The following ADAMTS18 variants were observed in gnomAD, a reference collection of about 807,000 sequenced individuals.
ADAMTS18 encodes the protein A disintegrin and metalloproteinase with thrombospondin motifs 18.
A neutral mutation model predicts 165.9 loss-of-function variants in ADAMTS18; 157 were observed. The observed-to-expected ratio is 0.95, with a 90% CI of 0.83 to 1.08. ADAMTS18 has a LOEUF of 1.08. Among genes scored for constraint, ADAMTS18 ranks in the 50% least tolerant of loss-of-function variants. The pLI, the probability that ADAMTS18 is intolerant of heterozygous loss-of-function variation, is 0.00. For missense variants in ADAMTS18, 2,040 were observed against 1,534.0 expected, an observed-to-expected ratio of 1.33 and a Z score of -5.51; for synonymous variants, 782 against 578.2, an observed-to-expected ratio of 1.35 and a Z score of -5.06.
chr16:77,343,722 G>C (rs567837988), intron 10 of ADAMTS18, among the ~76,000 whole-genome samples: 2 of 152,222 alleles, frequency 1.3e-5, no homozygotes, highest in Non-Finnish European at 2.9e-5. Context: ...CAGTTTTCTA[G>C]TCTATAAAGA....
rs146551434 is a variant in ADAMTS18, at chr16:77,292,441, T to G, written c.3189+635A>C. On this transcript the variant is annotated intron_variant, in intron 20 of 22. Transcript: ENST00000282849. ...TCACTCCTGTGTAGAGGCTGCACCC[T>G]CTGTCTGGGACAACCTTGCCCCAAA... 1.8e-4 allele frequency among the ~76,000 whole-genome samples: 28 copies of G among 152,268 alleles called. No individual in the cohort carries two copies. The East Asian group carries it at 5.0e-3, about 27-fold the overall frequency.
chr16:77,353,639 C>A, intron 10 of ADAMTS18, 94 bp downstream of exon 10: 1 of 1,567,332 alleles, frequency 6.4e-7, no homozygotes, highest in Non-Finnish European at 8.8e-7. Flanking sequence ...GAACCTAACC[C>A]TTGGCCTTGG....
rs373705923 is a variant in ADAMTS18 at position 77,282,941 on chromosome 16, C to T, written c.*1015G>A. 2 of 116,978 alleles carry T rather than the reference C, an allele frequency of 1.7e-5. No individual in the cohort carries two copies. The highest frequency in any genetic ancestry group is 3.2e-5 in the African/African-American group (1 of 31,574). 7.2% of individuals were successfully genotyped at this position (116,978 alleles called of 1,614,324 possible). A position where few individuals can be genotyped will look rare whatever the true frequency, so the allele number is the denominator to read the frequency against. ...TTTTTTTTTTTGCTGTTAGCTCAAT[C>T]CTAGGGCAAATTTAAACGTATCAGT... On this transcript the variant is annotated 3_prime_UTR_variant, in exon 23 of 23. Transcript: ENST00000282849.
At chr16:77,303,438 G>C (rs911143052) in intron 16 of ADAMTS18, among the ~76,000 whole-genome samples, 1 of 152,136 alleles carries the variant, frequency 6.6e-6, no homozygotes, top group African/African-American at 2.4e-5. Context: ...TACCCTTCCA[G>C]TTGTTTAGGC....
At chr16:77,290,014 A>G (rs1352284443) in intron 21 of ADAMTS18, among the ~76,000 whole-genome samples, 1 of 152,222 alleles carries the variant, frequency 6.6e-6, no homozygotes, top group Non-Finnish European at 1.5e-5. Context: ...CTTCATAACA[A>G]AAGGAAAACC....
At chr16:77,335,956 G>C in intron 11 of ADAMTS18, 52 bp from the exon 12 acceptor site, 6 of 1,610,508 alleles carry the variant, frequency 3.7e-6, no homozygotes, top group Non-Finnish European at 5.1e-6. Context: ...CTGGGAAAGC[G>C]CAGGGAGTTG....
intron 3 of ADAMTS18, among the ~76,000 whole-genome samples, chr16:77,392,059 A>T (rs192037577): frequency 2.0e-5 from 3 of 152,136 alleles, no homozygotes; most frequent in Admixed American, 1.3e-4. Context: ...GTGCAGAAAA[A>T]TCGAACAACA....
intron 12 of ADAMTS18, 54 bp downstream of exon 12, chr16:77,335,702 T>G: frequency 6.2e-7 from 1 of 1,609,194 alleles, no homozygotes; most frequent in African/African-American, 1.3e-5. Flanking sequence ...AACCAGCGTG[T>G]TACAGGCTGA....
chr16:77,380,593 A>T (rs1156326669), intron 3 of ADAMTS18, among the ~76,000 whole-genome samples: 2 of 152,366 alleles, frequency 1.3e-5, no homozygotes, highest in Non-Finnish European at 2.9e-5. Context: ...TACTGCATAC[A>T]TTTTAATATT....
intron 3 of ADAMTS18, among the ~76,000 whole-genome samples, chr16:77,389,175 C>T (rs1010864738): frequency 6.6e-6 from 1 of 152,108 alleles, no homozygotes; most frequent in African/African-American, 2.4e-5. Flanking sequence ...GTTGCACATA[C>T]CTGTGGTCTC....
intron 3 of ADAMTS18, among the ~76,000 whole-genome samples, chr16:77,376,541 G>C (rs1045905330): frequency 4.6e-5 from 7 of 152,148 alleles, no homozygotes; most frequent in Non-Finnish European, 1.5e-5. Flanking sequence ...CCGAGGGAAA[G>C]GACTGGGTTG....
intron 2 of ADAMTS18, among the ~76,000 whole-genome samples, chr16:77,433,216 T>C (rs112609172): frequency 3.3e-5 from 5 of 152,334 alleles, no homozygotes; most frequent in African/African-American, 1.2e-4. Flanking sequence ...ATTCCTGACA[T>C]ATGCAGGAAG....
chr16:77,369,512 C>T (rs1181436512), intron 3 of ADAMTS18, among the ~76,000 whole-genome samples: 1 of 152,098 alleles, frequency 6.6e-6, no homozygotes, highest in African/African-American at 2.4e-5. Flanking sequence ...CAGAGAAATC[C>T]TGGACAAACA....
chr16:77,375,365 G>A (rs1221341245), intron 3 of ADAMTS18, among the ~76,000 whole-genome samples: 1 of 152,122 alleles, frequency 6.6e-6, no homozygotes, highest in African/African-American at 2.4e-5. Context: ...CTGGGTGAAA[G>A]AGAGAGAGTC....
At chr16:77,343,066 C>T (rs1045236035) in intron 10 of ADAMTS18, among the ~76,000 whole-genome samples, 1 of 145,462 alleles carries the variant, frequency 6.9e-6, no homozygotes, top group East Asian at 2.2e-4. Context: ...GATTTTAGAC[C>T]TTACTTTCTT....
chr16:77,383,774 A>G (rs2057066979), intron 3 of ADAMTS18, among the ~76,000 whole-genome samples: 1 of 152,060 alleles, frequency 6.6e-6, no homozygotes, highest in Non-Finnish European at 1.5e-5. Flanking sequence ...AACTCCTGAC[A>G]TCGTGATCCG....
chr16:77,352,976 A>G (rs1257379861), intron 10 of ADAMTS18, among the ~76,000 whole-genome samples: 1 of 152,016 alleles, frequency 6.6e-6, no homozygotes, highest in African/African-American at 2.4e-5. Flanking sequence ...GCTACTCAGG[A>G]GGCTGAGGCG....
At chr16:77,376,867 T>A (rs2056961533) in intron 3 of ADAMTS18, among the ~76,000 whole-genome samples, 1 of 139,970 alleles carries the variant, frequency 7.1e-6, no homozygotes, top group African/African-American at 2.7e-5. Context: ...CAGGCTGGAG[T>A]GCAGTGGGGT....
intron 3 of ADAMTS18, among the ~76,000 whole-genome samples, chr16:77,411,677 ATTTTTTTTTTTT>A (rs34453966): frequency 1.2e-4 from 9 of 73,860 alleles, no homozygotes; most frequent in Non-Finnish European, 1.8e-4. Context: ...AGTATCCAGA[ATTTTTTTTTTTT>A]TTTTTTTTTT....
Sources: allele counts gnomAD v4.1 joint callset (sites outside exome capture counted in the v4.1 genomes callset), GRCh38; gene constraint gnomAD v4.1.1; transcripts MANE v1.5; gene names NCBI Gene and HGNC (gene_info 2026-07-23, HGNC 2026-07-21).